Variants in NTRK3 observed in about 807,000 individuals in gnomAD.
NTRK3 encodes NT-3 growth factor receptor.
In NTRK3, 24 loss-of-function variants were observed where a neutral mutation model predicts 91.7. The ratio of observed to expected loss-of-function variants is 0.26; its 90% CI spans 0.19 to 0.37. NTRK3 has a LOEUF of 0.37. Ranked by LOEUF, NTRK3 falls within the 10% of genes least tolerant of loss-of-function variation. The pLI, the probability that NTRK3 is intolerant of heterozygous loss-of-function variation, is 1.00. For missense variants in NTRK3, 880 were observed against 1,068.9 expected, an observed-to-expected ratio of 0.82 and a Z score of 2.46; for synonymous variants, 483 against 404.0, an observed-to-expected ratio of 1.20 and a Z score of -2.34.
At chr15:88,143,283 G>A (rs1352939430) in intron 6 of NTRK3, among the ~76,000 whole-genome samples, 1 of 152,150 alleles carries the variant, frequency 6.6e-6, no homozygotes, top group East Asian at 1.9e-4. Flanking sequence ...AGACAGGGAT[G>A]GCAGGCACGT....
At chr15:88,036,266 T>C (rs1470379239) in intron 13 of NTRK3, among the ~76,000 whole-genome samples, 1 of 152,058 alleles carries the variant, frequency 6.6e-6, no homozygotes, top group African/African-American at 2.4e-5. Context: ...AAAGAGAAGA[T>C]GCTAAGAGCT....
At chr15:87,925,280 T>A (rs2068196800) in intron 17 of NTRK3, among the ~76,000 whole-genome samples, 1 of 152,232 alleles carries the variant, frequency 6.6e-6, no homozygotes, top group South Asian at 2.1e-4. Context: ...CCTTTGTAAA[T>A]CGTCTGTATA....
At chr15:87,895,942 T>C (rs931600946) in intron 17 of NTRK3, among the ~76,000 whole-genome samples, 3 of 152,120 alleles carry the variant, frequency 2.0e-5, no homozygotes, top group African/African-American at 7.2e-5. Flanking sequence ...CAGAAAATGT[T>C]TAAATATACC....
chr15:88,188,222 G>C (rs8042990), intron 3 of NTRK3, among the ~76,000 whole-genome samples: 50,024 of 152,150 alleles, frequency 0.33, 8,479 homozygotes, highest in African/African-American at 0.41. Flanking sequence ...AGAGAGTGGA[G>C]GGAGGAGAAA....
intron 13 of NTRK3, among the ~76,000 whole-genome samples, chr15:88,093,967 C>T (rs889810780): frequency 5.9e-5 from 9 of 152,152 alleles, no homozygotes; most frequent in African/African-American, 2.2e-4. Context: ...GGGCAAACAG[C>T]CTCAGCAAGG....
At chr15:88,028,687 A>G (rs1348597245) in intron 14 of NTRK3, among the ~76,000 whole-genome samples, 1 of 152,172 alleles carries the variant, frequency 6.6e-6, no homozygotes, top group East Asian at 1.9e-4. Flanking sequence ...AGACAGGGAC[A>G]ACATGGGAGC....
At chr15:87,886,709 C>CACACATATAT (rs1567071072) in intron 17 of NTRK3, among the ~76,000 whole-genome samples, 74 of 60,608 alleles carry the variant, frequency 1.2e-3, no homozygotes, top group African/African-American at 3.5e-3. Flanking sequence ...TACATATATA[C>CACACATATAT]ACACACACAC....
chr15:88,237,562 T>G lies in NTRK3; in HGVS notation c.248+18344A>C, dbSNP rs537488863. 5.9e-5 allele frequency among the ~76,000 whole-genome samples: 9 copies of G among 152,340 alleles called. No homozygotes were observed. Among genetic ancestry groups the G allele is most frequent in the African/African-American group, 2.2e-4 (9 of 41,592 alleles). On this transcript the variant is annotated intron_variant, in intron 3 of 18. Coordinates refer to ENST00000394480, the Ensembl canonical transcript of NTRK3. The surrounding 1 kb of genome is among the most constrained non-coding windows in gnomAD (Gnocchi z 4.0). ...CATGCACTTTATATATGAGTTGTTTTGCTTATTTACACCTGAGATCTAAAT... is the reference window on the plus strand; with the variant it reads ...CATGCACTTTATATATGAGTTGTTTGGCTTATTTACACCTGAGATCTAAAT...
chr15:87,975,119 G>C (rs1004930502), intron 14 of NTRK3, among the ~76,000 whole-genome samples: 1 of 152,132 alleles, frequency 6.6e-6, no homozygotes, highest in East Asian at 1.9e-4. Context: ...TGCTTCATAA[G>C]TTACATAGAA....
At chr15:88,042,967 C>A (rs1465296487) in intron 13 of NTRK3, among the ~76,000 whole-genome samples, 1 of 152,216 alleles carries the variant, frequency 6.6e-6, no homozygotes, top group African/African-American at 2.4e-5. Context: ...ACAAGTCAGC[C>A]ACATTCTCCT....
At chr15:87,928,696 T>C (rs2141902604) in intron 17 of NTRK3, 1 of 205,516 alleles carries the variant, frequency 4.9e-6, no homozygotes, top group South Asian at 8.9e-5. Flanking sequence ...CTTTGTTACT[T>C]TACTTAGGTT....
chr15:88,165,397 G>T (rs2044838872), intron 5 of NTRK3, among the ~76,000 whole-genome samples: 1 of 152,124 alleles, frequency 6.6e-6, no homozygotes, highest in Non-Finnish European at 1.5e-5. Flanking sequence ...TCTTAGACCT[G>T]CACTACTGCT....
intron 5 of NTRK3, among the ~76,000 whole-genome samples, chr15:88,153,879 T>C (rs529751116): frequency 7.3e-4 from 111 of 151,796 alleles, no homozygotes; most frequent in Non-Finnish European, 1.4e-3. Flanking sequence ...CCTAATACCA[T>C]CATCTGGAAG....
At position 88,253,847 on chromosome 15, in the gene NTRK3, G is replaced by A. The variant is rs74027933; in HGVS notation, c.248+2059C>T. Among the ~76,000 whole-genome samples, 1,242 of 152,208 alleles carry A rather than the reference G, an allele frequency of 8.2e-3. 19 individuals carry two copies. Among genetic ancestry groups the A allele is most frequent in the African/African-American group, 0.029 (1,190 of 41,506 alleles). ...CCTCCAGTACCAAAGAGGGCAAGAG[G>A]CCACCCCAGTCCCCTCCCATCACAG... On this transcript the variant is annotated intron_variant, in intron 3 of 18. Transcript: ENST00000394480.
intron 8 of NTRK3, 74 bp downstream of exon 8, chr15:88,136,393 T>C: frequency 6.2e-7 from 1 of 1,600,586 alleles, no homozygotes; most frequent in Non-Finnish European, 8.6e-7. Context: ...AGACCGCAAA[T>C]TTTCCCTCTT....
intron 14 of NTRK3, among the ~76,000 whole-genome samples, chr15:87,988,568 C>T (rs558305910): frequency 1.3e-5 from 2 of 152,094 alleles, no homozygotes; most frequent in African/African-American, 4.8e-5. Flanking sequence ...ATGTCTAAAG[C>T]TATTTTAAAA....
intron 14 of NTRK3, among the ~76,000 whole-genome samples, chr15:87,949,607 C>T (rs1464059297): frequency 6.6e-6 from 1 of 152,146 alleles, no homozygotes; most frequent in Non-Finnish European, 1.5e-5. Context: ...GGCTGAAGTT[C>T]AGAAGTGTCC....
intron 14 of NTRK3, among the ~76,000 whole-genome samples, chr15:87,995,187 T>C (rs1041744367): frequency 6.6e-6 from 1 of 152,160 alleles, no homozygotes; most frequent in Admixed American, 6.5e-5. Context: ...AGAGAGCACC[T>C]GCTCAGGTAG....
At chr15:87,959,220 G>T (rs1018233743) in intron 14 of NTRK3, among the ~76,000 whole-genome samples, 12 of 152,080 alleles carry the variant, frequency 7.9e-5, no homozygotes, top group Non-Finnish European at 1.5e-5. Flanking sequence ...TGACTTATTT[G>T]TTTGTTTATC....
Sources: allele counts gnomAD v4.1 joint callset (sites outside exome capture counted in the v4.1 genomes callset), GRCh38; gene constraint gnomAD v4.1.1; non-coding constraint Gnocchi (gnomAD v3.1); transcripts MANE v1.5; gene names NCBI Gene and HGNC (gene_info 2026-07-23, HGNC 2026-07-21).